CLNK: variants seen among roughly 807,000 people sequenced by gnomAD.
The protein encoded by CLNK is cytokine-dependent hematopoietic cell linker.
CLNK carries 74 observed loss-of-function variants against 68.6 expected under a neutral mutation model. The ratio of observed to expected loss-of-function variants is 1.08; its 90% CI spans 0.89 to 1.31. CLNK has a LOEUF of 1.31. Among genes scored for constraint, CLNK ranks in the 50% most tolerant of loss-of-function variants. The pLI is 0.00. For synonymous variants in CLNK, 198 were observed against 172.2 expected (o/e 1.15, Z -1.17); for missense variants, 553 against 515.3 (o/e 1.07, Z -0.71).
chr4:10,527,954 A>T (rs1490480195), intron 13 of CLNK, 122 bp downstream of exon 13: 1 of 458,680 alleles, frequency 2.2e-6, no homozygotes, highest in Non-Finnish European at 3.7e-6. Flanking sequence ...GTTCACACAC[A>T]TACATCCCCA....
the CLNK span, among the ~76,000 whole-genome samples, chr4:10,726,136 CA>C: frequency 6.6e-6 from 1 of 152,120 alleles, no homozygotes; most frequent in African/African-American, 2.4e-5. Flanking sequence ...CTGCTAGCAT[CA>C]CCCTAGACCC....
chr4:10,579,393 A>C (rs1038958261), intron 4 of CLNK, among the ~76,000 whole-genome samples: 3 of 143,878 alleles, frequency 2.1e-5, no homozygotes, highest in African/African-American at 7.9e-5. Flanking sequence ...GGAAGAGGGG[A>C]ATGAGAGAGA....
intron 3 of CLNK, among the ~76,000 whole-genome samples, chr4:10,587,812 C>T (rs1038644766): frequency 2.0e-5 from 3 of 152,166 alleles, no homozygotes; most frequent in Admixed American, 6.5e-5. Context: ...CCTCCCCGGT[C>T]CCTACTGTCT....
intron 8 of CLNK, 55 bp from the exon 9 acceptor site, chr4:10,542,335 AT>A: frequency 1.8e-6 from 2 of 1,134,200 alleles, no homozygotes; most frequent in Non-Finnish European, 2.6e-6. Context: ...TCAAGCATTG[AT>A]TTTATACACG....
At chr4:10,498,408 C>T (rs554574051) in intron 18 of CLNK, among the ~76,000 whole-genome samples, 359 of 152,276 alleles carry the variant, frequency 2.4e-3, no homozygotes, top group Non-Finnish European at 3.3e-3. Context: ...AGGAGGATGG[C>T]GTGAACCCTG....
intron 2 of CLNK, among the ~76,000 whole-genome samples, chr4:10,628,887 A>T (rs1284229160): frequency 2.6e-5 from 4 of 152,168 alleles, no homozygotes; most frequent in African/African-American, 7.2e-5. Context: ...CATGAGCTGA[A>T]CCCATATTGC....
the CLNK span, among the ~76,000 whole-genome samples, chr4:10,705,913 T>C: frequency 6.6e-6 from 1 of 152,230 alleles, no homozygotes; most frequent in African/African-American, 2.4e-5. Flanking sequence ...TGGACTAATT[T>C]GAGAAGCCCA....
At chr4:10,542,074 T>C in intron 9 of CLNK, 33 bp from the exon 10 acceptor site, 1 of 1,573,412 alleles carries the variant, frequency 6.4e-7, no homozygotes, top group Non-Finnish European at 8.7e-7. Context: ...AAATTAAGTT[T>C]ATTGTTCTGT....
chr4:10,551,723 G>T (rs1299188329), intron 8 of CLNK, among the ~76,000 whole-genome samples: 1 of 152,146 alleles, frequency 6.6e-6, no homozygotes. Flanking sequence ...CAACTAAATA[G>T]CCAGCCCTAG....
In CLNK at chr4:10,667,905, A is replaced by T. The variant is rs969772195; in HGVS notation, c.-36T>A. On this transcript the variant is annotated 5_prime_UTR_variant, in exon 2 of 19. The change creates a new upstream start codon in the 5' untranslated region. Transcript: ENST00000226951. Reference sequence around the variant, plus strand: ...ACCTGGCGGGTAAGAGGGATCTTCAATTCAGCCTGTGGAAACAAAAGCAAA... The same window carrying T: ...ACCTGGCGGGTAAGAGGGATCTTCATTTCAGCCTGTGGAAACAAAAGCAAA... The T allele has an allele frequency of 2.9e-6, 4 of 1,366,430 alleles. No homozygotes were observed. The highest frequency in any genetic ancestry group is 3.8e-6 in the Non-Finnish European group (4 of 1,044,470). The allele number at this position is 1,366,430 out of a possible 1,614,324, so 84.6% of individuals were successfully genotyped here.
intron 18 of CLNK, 71 bp downstream of exon 18, chr4:10,501,185 G>T: frequency 1.4e-6 from 2 of 1,447,848 alleles, no homozygotes; most frequent in Non-Finnish European, 1.8e-6. Flanking sequence ...CCTCCAGGGT[G>T]ACATCCCCCA....
At chr4:10,692,726 G>C in the CLNK span, among the ~76,000 whole-genome samples, 1 of 152,198 alleles carries the variant, frequency 6.6e-6, no homozygotes, top group East Asian at 1.9e-4. Context: ...CATAGTAGGT[G>C]CTCAGTGAAT....
intron 3 of CLNK, among the ~76,000 whole-genome samples, chr4:10,591,128 G>A (rs1364833489): frequency 1.3e-5 from 2 of 152,180 alleles, no homozygotes; most frequent in Non-Finnish European, 2.9e-5. Context: ...GGATGAATGA[G>A]CAAAGCCTGT....
intron 7 of CLNK, 136 bp downstream of exon 7, chr4:10,564,535 C>T (rs1240717869): frequency 3.1e-6 from 2 of 652,360 alleles, no homozygotes; most frequent in African/African-American, 3.6e-5. Flanking sequence ...ATAAGAGTCA[C>T]CTCCCATCCA....
intron 1 of CLNK, among the ~76,000 whole-genome samples, chr4:10,670,501 T>A (rs1204824613): frequency 6.6e-6 from 1 of 152,362 alleles, no homozygotes; most frequent in African/African-American, 2.4e-5. Context: ...GGACCACAGA[T>A]GCAGAACAGT....
intron 2 of CLNK, among the ~76,000 whole-genome samples, chr4:10,654,878 G>A (rs965412539): frequency 1.8e-4 from 27 of 152,046 alleles, no homozygotes; most frequent in African/African-American, 6.0e-4. Context: ...CGAGGCGGGC[G>A]GATCACTAGG....
chr4:10,581,335 A>G (rs1720771034), intron 4 of CLNK, among the ~76,000 whole-genome samples: 1 of 152,206 alleles, frequency 6.6e-6, no homozygotes, highest in Non-Finnish European at 1.5e-5. Flanking sequence ...ATATTCATAT[A>G]CATATACATA....
At position 10,489,073 on chromosome 4, in the gene CLNK, T is replaced by C. The variant is rs1354921696; in HGVS notation, c.*1394A>G. 1 of 152,108 alleles carries C rather than the reference T, an allele frequency of 6.6e-6. No individual in the cohort carries two copies. Among genetic ancestry groups the C allele is most frequent in the African/African-American group, 2.4e-5 (1 of 41,404 alleles). The allele number at this position is 152,108 out of a possible 1,614,324, so 9.4% of individuals were successfully genotyped here. A position where few individuals can be genotyped will look rare whatever the true frequency, so the allele number is the denominator to read the frequency against. On this transcript the variant is annotated 3_prime_UTR_variant, in exon 19 of 19. Transcript: ENST00000226951. ...TATCTTTCTCTCTCTCTCTCTCTTTTTTTTTAAATTAGCTTTTCAACTTGA... is the reference window on the plus strand; with the variant it reads ...TATCTTTCTCTCTCTCTCTCTCTTTCTTTTTAAATTAGCTTTTCAACTTGA...
intron 15 of CLNK, among the ~76,000 whole-genome samples, chr4:10,514,308 G>A (rs184329317): frequency 0.016 from 2,397 of 151,438 alleles, 74 homozygotes; most frequent in African/African-American, 0.055. Context: ...GAATAATGCC[G>A]CAATAAACAT....
Sources: gnomAD v4.1 joint callset for allele counts (sites outside exome capture counted in the v4.1 genomes callset) on GRCh38, gnomAD v4.1.1 for gene constraint, MANE v1.5 for transcripts, NCBI Gene and HGNC (gene_info 2026-07-23, HGNC 2026-07-21) for gene names.